CHST9: variants seen among roughly 807,000 people sequenced by gnomAD.
The protein encoded by CHST9 is carbohydrate sulfotransferase 9, also known as GalNAc-4-sulfotransferase 2.
A neutral mutation model predicts 44.4 loss-of-function variants in CHST9; 41 were observed. The ratio of observed to expected loss-of-function variants is 0.92; its 90% CI spans 0.72 to 1.20. CHST9 has a LOEUF of 1.20. Ranked by LOEUF, CHST9 falls within the 50% of genes most tolerant of loss-of-function variation. The probability of loss-of-function intolerance (pLI) is 0.00; values close to 1 mark genes in which losing one functional copy is unlikely to be tolerated. For missense variants in CHST9, 504 were observed against 516.5 expected, an observed-to-expected ratio of 0.98 and a Z score of 0.23; for synonymous variants, 171 against 178.4, an observed-to-expected ratio of 0.96 and a Z score of 0.33.
At chr18:27,140,671 CCATT>C (rs556443946) in intron 2 of CHST9, among the ~76,000 whole-genome samples, 10 of 152,132 alleles carry the variant, frequency 6.6e-5, no homozygotes, top group African/African-American at 1.4e-4. Context: ...AATTTTCAAT[CCATT>C]CATTCATTCA....
chr18:27,146,867 T>C (rs2058616271), intron 1 of CHST9, among the ~76,000 whole-genome samples: 1 of 152,220 alleles, frequency 6.6e-6, no homozygotes, highest in African/African-American at 2.4e-5. Context: ...TCTTTTTATT[T>C]ATCTCTAACA....
At position 27,159,456 on chromosome 18, in the gene CHST9, C is replaced by T. The variant is rs2058727371; in HGVS notation, c.-96-16551G>A. ...TTATTTCTGAGGGATCTGTTCTGTT[C>T]CATTGGTCTATATCTCTGTTTTGGT... On this transcript the variant is annotated intron_variant, in intron 1 of 5. Coordinates refer to ENST00000618847, the MANE Select transcript of CHST9 (RefSeq NM_031422.6). 2.0e-5 allele frequency among the ~76,000 whole-genome samples: 3 copies of T among 152,062 alleles called. No homozygotes were observed. The South Asian group carries it at 6.2e-4, about 32-fold the overall frequency.
chr18:27,124,512 G>T (rs2058403083), intron 2 of CHST9, among the ~76,000 whole-genome samples: 1 of 152,160 alleles, frequency 6.6e-6, no homozygotes, highest in Admixed American at 6.5e-5. Context: ...ACCAGAAACA[G>T]AATTAAAACC....
intron 1 of CHST9, among the ~76,000 whole-genome samples, chr18:27,180,179 C>T (rs368270005): frequency 2.3e-4 from 35 of 152,142 alleles, no homozygotes; most frequent in East Asian, 1.2e-3. Context: ...CTTTCACTTT[C>T]GTGCACTTCT....
intron 4 of CHST9, among the ~76,000 whole-genome samples, chr18:26,977,776 A>C (rs548203117): frequency 1.3e-5 from 2 of 152,286 alleles, no homozygotes; most frequent in Admixed American, 1.3e-4. Flanking sequence ...CAGGCAGAGA[A>C]CATTCCCATG....
At chr18:27,128,869 A>G (rs2058447892) in intron 2 of CHST9, among the ~76,000 whole-genome samples, 1 of 152,208 alleles carries the variant, frequency 6.6e-6, no homozygotes, top group South Asian at 2.1e-4. Context: ...GATCTGATAC[A>G]TTGTGAATCA....
chr18:27,000,725 G>T (rs1485025811), intron 4 of CHST9, among the ~76,000 whole-genome samples: 1 of 151,254 alleles, frequency 6.6e-6, no homozygotes, highest in Non-Finnish European at 1.5e-5. Flanking sequence ...AGAATATTTT[G>T]ATCTCATAAA....
chr18:27,029,120 A>G (rs1220619141), intron 3 of CHST9, among the ~76,000 whole-genome samples: 5 of 152,092 alleles, frequency 3.3e-5, no homozygotes, highest in Admixed American at 2.6e-4. Context: ...GCAGACCAGA[A>G]AGGGGGCTCA....
At chr18:27,027,305 T>C (rs920213063) in intron 3 of CHST9, among the ~76,000 whole-genome samples, 4 of 152,238 alleles carry the variant, frequency 2.6e-5, no homozygotes, top group African/African-American at 9.6e-5. Context: ...ACATTTGGAA[T>C]GCCAAGGCTT....
At chr18:27,099,171 C>T (rs1340238989) in intron 2 of CHST9, among the ~76,000 whole-genome samples, 2 of 152,052 alleles carry the variant, frequency 1.3e-5, no homozygotes, top group South Asian at 4.1e-4. Context: ...TACCTGTCAC[C>T]ATATACAAAA....
chr18:27,039,581 G>T (rs2057423765), intron 3 of CHST9, among the ~76,000 whole-genome samples: 1 of 152,080 alleles, frequency 6.6e-6, no homozygotes, highest in African/African-American at 2.4e-5. Context: ...TGAATGGGTG[G>T]TGGGGACAGT....
chr18:27,160,954 A>G (rs1033896735), intron 1 of CHST9, among the ~76,000 whole-genome samples: 7 of 151,946 alleles, frequency 4.6e-5, no homozygotes, highest in Non-Finnish European at 1.0e-4. Context: ...ATCGGTGGTG[A>G]TATCCCCTTT....
intron 2 of CHST9, among the ~76,000 whole-genome samples, chr18:27,128,581 T>C (rs1220437833): frequency 1.3e-5 from 2 of 152,198 alleles, no homozygotes; most frequent in Non-Finnish European, 2.9e-5. Context: ...AATCATTAAG[T>C]GAATCCAGGA....
At chr18:27,049,304 G>A (rs2143563813) in intron 2 of CHST9, among the ~76,000 whole-genome samples, 1 of 152,200 alleles carries the variant, frequency 6.6e-6, no homozygotes, top group East Asian at 1.9e-4. Context: ...GTCAAGATGA[G>A]TGGTTAGCTA....
At chr18:27,061,893 C>G (rs1234711287) in intron 2 of CHST9, among the ~76,000 whole-genome samples, 1 of 152,152 alleles carries the variant, frequency 6.6e-6, no homozygotes, top group Non-Finnish European at 1.5e-5. Flanking sequence ...CTATACATTT[C>G]TGGAATGCAA....
At chr18:27,078,424 G>A (rs1217780494) in intron 2 of CHST9, among the ~76,000 whole-genome samples, 1 of 152,062 alleles carries the variant, frequency 6.6e-6, no homozygotes, top group Non-Finnish European at 1.5e-5. Context: ...CTGAATTAAT[G>A]AATACTGAAC....
intron 4 of CHST9, among the ~76,000 whole-genome samples, chr18:26,966,116 T>C (rs867890049): frequency 7.2e-5 from 11 of 152,238 alleles, no homozygotes; most frequent in African/African-American, 2.2e-4. Flanking sequence ...GCAATCCCAA[T>C]TGATAGACTC....
At chr18:27,152,732 A>G (rs542459246) in intron 1 of CHST9, among the ~76,000 whole-genome samples, 2 of 152,248 alleles carry the variant, frequency 1.3e-5, no homozygotes, top group East Asian at 3.9e-4. Flanking sequence ...AGACCAATGT[A>G]GATAGAGATA....
intron 4 of CHST9, among the ~76,000 whole-genome samples, chr18:26,992,732 G>C (rs1243114436): frequency 6.6e-6 from 1 of 152,070 alleles, no homozygotes; most frequent in Non-Finnish European, 1.5e-5. Flanking sequence ...CACTGGAAAA[G>C]GAGAAGAACG....
Sources: gnomAD v4.1 joint callset for allele counts (sites outside exome capture counted in the v4.1 genomes callset) on GRCh38, gnomAD v4.1.1 for gene constraint, MANE v1.5 for transcripts, NCBI Gene and HGNC (gene_info 2026-07-23, HGNC 2026-07-21) for gene names.